Variants in SLC39A11 observed in about 807,000 individuals in gnomAD.
The protein encoded by SLC39A11 is solute carrier family 39 member 11.
SLC39A11 carries 33 observed loss-of-function variants against 36.1 expected under a neutral mutation model. The ratio of observed to expected loss-of-function variants is 0.91; its 90% CI spans 0.69 to 1.22. The LOEUF (loss-of-function observed/expected upper bound fraction) is 1.22. Ranked by LOEUF, SLC39A11 falls within the 50% of genes most tolerant of loss-of-function variation. SLC39A11 has a pLI of 0.00. For missense variants in SLC39A11, 432 were observed against 430.3 expected, an observed-to-expected ratio of 1.00 and a Z score of -0.03; for synonymous variants, 166 against 170.3, an observed-to-expected ratio of 0.97 and a Z score of 0.20.
intron 5 of SLC39A11, among the ~76,000 whole-genome samples, chr17:72,912,836 C>A (rs1328569465): frequency 1.3e-5 from 2 of 152,168 alleles, no homozygotes; most frequent in Admixed American, 1.3e-4. Flanking sequence ...CATCTCCTTG[C>A]CCAGACCCTG....
At chr17:72,701,530 C>G (rs540486397) in intron 7 of SLC39A11, among the ~76,000 whole-genome samples, 16 of 152,170 alleles carry the variant, frequency 1.1e-4, no homozygotes, top group African/African-American at 3.9e-4. Context: ...GAGTTCGAGA[C>G]CAGCCTGGCC....
chr17:72,966,217 G>C (rs764697348), intron 4 of SLC39A11, among the ~76,000 whole-genome samples: 2 of 152,230 alleles, frequency 1.3e-5, no homozygotes, highest in African/African-American at 4.8e-5. Flanking sequence ...GAGGTTCCCT[G>C]TGGGAACATC....
At chr17:72,977,512 T>C (rs975486487) in intron 4 of SLC39A11, among the ~76,000 whole-genome samples, 1 of 152,154 alleles carries the variant, frequency 6.6e-6, no homozygotes, top group Non-Finnish European at 1.5e-5. Flanking sequence ...CCCTAGTTCA[T>C]GCAGATAAAA....
intron 4 of SLC39A11, among the ~76,000 whole-genome samples, chr17:72,989,514 T>G (rs1367460570): frequency 6.6e-6 from 1 of 152,252 alleles, no homozygotes; most frequent in Non-Finnish European, 1.5e-5. Flanking sequence ...TACCTTTAAA[T>G]GATCTAGTCT....
intron 6 of SLC39A11, among the ~76,000 whole-genome samples, chr17:72,748,570 C>T (rs2075034906): frequency 6.6e-6 from 1 of 152,224 alleles, no homozygotes; most frequent in Non-Finnish European, 1.5e-5. Context: ...CTCCAGCAGA[C>T]TGCGAAGACA....
intron 5 of SLC39A11, among the ~76,000 whole-genome samples, chr17:72,920,857 C>T (rs2083626182): frequency 6.6e-6 from 1 of 151,714 alleles, no homozygotes; most frequent in South Asian, 2.1e-4. Context: ...CTTCCCACCC[C>T]CTCTACAACA....
At chr17:72,983,448 CTGT>C (rs1377040790) in intron 4 of SLC39A11, among the ~76,000 whole-genome samples, 2 of 152,174 alleles carry the variant, frequency 1.3e-5, no homozygotes, top group African/African-American at 2.4e-5. Flanking sequence ...TGTGCCCAGC[CTGT>C]TGTTGTTGTT....
intron 5 of SLC39A11, among the ~76,000 whole-genome samples, chr17:72,885,915 C>A (rs4969121): frequency 0.35 from 52,617 of 152,136 alleles, 9,569 homozygotes; most frequent in East Asian, 0.72. Context: ...TCTACTGAGA[C>A]TGCTTTTGTC....
chr17:72,696,216 C>T (rs901140202), intron 7 of SLC39A11, among the ~76,000 whole-genome samples: 13 of 151,978 alleles, frequency 8.6e-5, no homozygotes, highest in East Asian at 7.8e-4. Flanking sequence ...ATTTCAGTTG[C>T]GGTCCAAGGT....
chr17:72,723,326 G>A (rs2073786174), intron 7 of SLC39A11, among the ~76,000 whole-genome samples: 1 of 112,814 alleles, frequency 8.9e-6, no homozygotes, highest in Non-Finnish European at 2.1e-5. Context: ...GTAAGAGTGT[G>A]TGTGTGTGTG....
At chr17:72,945,373 A>G (rs1037713291) in intron 5 of SLC39A11, among the ~76,000 whole-genome samples, 13 of 152,220 alleles carry the variant, frequency 8.5e-5, no homozygotes, top group Non-Finnish European at 1.3e-4. Context: ...GGCTAATGTT[A>G]TTCACTAAAT....
Position 73,054,963 on chromosome 17 carries a change from G to A in SLC39A11, c.148-23249C>T, listed in dbSNP as rs376816068. 2.6e-4 allele frequency among the ~76,000 whole-genome samples: 39 copies of A among 152,250 alleles called. 1 individual carries two copies. The highest frequency in any genetic ancestry group is 1.9e-3 in the East Asian group (10 of 5,178). On this transcript the variant is annotated intron_variant, in intron 3 of 9. Transcript: ENST00000255559. ...AGACTCGATGACAAGGATCTGGAAGGGATCAGGGTCCAGAAGAGAAGGGCA... is the reference window on the plus strand; with the variant it reads ...AGACTCGATGACAAGGATCTGGAAGAGATCAGGGTCCAGAAGAGAAGGGCA...
At chr17:72,825,619 T>A (rs1183702272) in intron 6 of SLC39A11, among the ~76,000 whole-genome samples, 1 of 152,138 alleles carries the variant, frequency 6.6e-6, no homozygotes, top group African/African-American at 2.4e-5. Context: ...GCACTCAACA[T>A]GAGCCTGGAA....
chr17:72,932,822 G>C (rs957850118), intron 5 of SLC39A11, among the ~76,000 whole-genome samples: 2 of 152,140 alleles, frequency 1.3e-5, no homozygotes, highest in African/African-American at 4.8e-5. Context: ...TCTAGCAGCC[G>C]CTAAGGAGTC....
intron 7 of SLC39A11, among the ~76,000 whole-genome samples, chr17:72,710,582 C>T (rs1390754085): frequency 6.6e-6 from 1 of 152,228 alleles, no homozygotes; most frequent in Non-Finnish European, 1.5e-5. Flanking sequence ...CTTCTGGTGC[C>T]TTGATCTTGG....
At chr17:72,820,423 T>C (rs2077730750) in intron 6 of SLC39A11, among the ~76,000 whole-genome samples, 1 of 151,122 alleles carries the variant, frequency 6.6e-6, no homozygotes, top group Non-Finnish European at 1.5e-5. Flanking sequence ...CTCCCTAATT[T>C]TCCTTGTGCC....
intron 5 of SLC39A11, among the ~76,000 whole-genome samples, chr17:72,936,542 G>T (rs1264102120): frequency 6.6e-6 from 1 of 151,912 alleles, no homozygotes; most frequent in African/African-American, 2.4e-5. Context: ...CTTTATCCAA[G>T]GTGGTGGAAA....
At chr17:72,929,407 G>A (rs1055452170) in intron 5 of SLC39A11, among the ~76,000 whole-genome samples, 1 of 152,116 alleles carries the variant, frequency 6.6e-6, no homozygotes, top group Non-Finnish European at 1.5e-5. Context: ...TTTATCGGGT[G>A]CTCGGGTAGT....
At chr17:72,949,823 G>A (rs1030545973) in intron 4 of SLC39A11, among the ~76,000 whole-genome samples, 3 of 152,044 alleles carry the variant, frequency 2.0e-5, no homozygotes, top group Non-Finnish European at 4.4e-5. Flanking sequence ...TCTCTAATGC[G>A]GGAGAGGAGA....
Sources: allele counts gnomAD v4.1 joint callset (sites outside exome capture counted in the v4.1 genomes callset), GRCh38; gene constraint gnomAD v4.1.1; transcripts MANE v1.5; gene names NCBI Gene and HGNC (gene_info 2026-07-23, HGNC 2026-07-21).